LRRC4C: variants seen among roughly 807,000 people sequenced by gnomAD.
LRRC4C encodes the protein leucine-rich repeat-containing protein 4C.
In LRRC4C, 5 loss-of-function variants were observed where a neutral mutation model predicts 33.6. The ratio of observed to expected loss-of-function variants is 0.15; its 90% CI spans 0.08 to 0.31. The LOEUF is 0.31. LRRC4C is among the 10% of genes least tolerant of loss of function. The pLI is 1.00. For synonymous variants in LRRC4C, 329 were observed against 302.0 expected (o/e 1.09, Z -0.93); for missense variants, 560 against 796.7 (o/e 0.70, Z 3.58).
At chr11:40,359,812 C>T (rs1314208158) in intron 3 of LRRC4C, among the ~76,000 whole-genome samples, 4 of 152,138 alleles carry the variant, frequency 2.6e-5, no homozygotes, top group South Asian at 4.1e-4. Context: ...TAAAAATTAT[C>T]TATTTGAAAA....
At chr11:40,253,335 T>G (rs1866936208) in intron 4 of LRRC4C, among the ~76,000 whole-genome samples, 1 of 152,230 alleles carries the variant, frequency 6.6e-6, no homozygotes, top group South Asian at 2.1e-4. Context: ...CTTGCTTGTT[T>G]GTTTGTTTAC....
chr11:40,571,294 T>A (rs1957973238), intron 3 of LRRC4C, among the ~76,000 whole-genome samples: 1 of 152,144 alleles, frequency 6.6e-6, no homozygotes, highest in African/African-American at 2.4e-5. Flanking sequence ...AACATGCACA[T>A]GATGTTCATT....
intron 2 of LRRC4C, among the ~76,000 whole-genome samples, chr11:40,821,386 C>T (rs368331435): frequency 3.0e-4 from 46 of 151,494 alleles, no homozygotes; most frequent in African/African-American, 9.2e-4. Flanking sequence ...TATCAGATTT[C>T]GGAATTTAAT....
At chr11:41,208,669 G>A (rs773245100) in intron 1 of LRRC4C, among the ~76,000 whole-genome samples, 1 of 152,220 alleles carries the variant, frequency 6.6e-6, no homozygotes, top group Admixed American at 6.5e-5. Flanking sequence ...AGGGCTACCT[G>A]ATTGGGAACA....
At chr11:41,143,230 CA>C (rs71061001) in intron 1 of LRRC4C, among the ~76,000 whole-genome samples, 74,718 of 145,234 alleles carry the variant, frequency 0.51, 19,354 homozygotes, top group African/African-American at 0.65. Context: ...AAGCAAAACT[CA>C]AAAAAAAAAA....
At chr11:40,584,492 A>C (rs183327689) in intron 3 of LRRC4C, among the ~76,000 whole-genome samples, 39 of 152,072 alleles carry the variant, frequency 2.6e-4, no homozygotes, top group Middle Eastern at 3.4e-3. Flanking sequence ...CAGGATGAAA[A>C]ATTAGATACA....
chr11:40,929,052 A>AT (rs1189881188), intron 2 of LRRC4C, among the ~76,000 whole-genome samples: 5 of 152,324 alleles, frequency 3.3e-5, no homozygotes, highest in Non-Finnish European at 5.9e-5. Context: ...ACTAATTTGT[A>AT]TAATTAAATA....
chr11:41,238,342 C>T (rs532919620), intron 1 of LRRC4C, among the ~76,000 whole-genome samples: 6 of 152,112 alleles, frequency 3.9e-5, no homozygotes, highest in Admixed American at 6.5e-5. Flanking sequence ...AAGGTGTCAA[C>T]GAGTGTTCTT....
At chr11:41,153,348 C>G (rs966009709) in intron 1 of LRRC4C, among the ~76,000 whole-genome samples, 2 of 151,884 alleles carry the variant, frequency 1.3e-5, no homozygotes, top group African/African-American at 2.4e-5. Flanking sequence ...TCTTTGCATC[C>G]CTAGAACACA....
At chr11:40,767,299 C>A (rs572507575) in intron 2 of LRRC4C, among the ~76,000 whole-genome samples, 10 of 151,934 alleles carry the variant, frequency 6.6e-5, no homozygotes, top group African/African-American at 2.4e-4. Context: ...TATATGCCTC[C>A]AACAATGGAT....
At chr11:41,264,986 C>T (rs561549573) in intron 1 of LRRC4C, among the ~76,000 whole-genome samples, 1 of 152,204 alleles carries the variant, frequency 6.6e-6, no homozygotes, top group Admixed American at 6.6e-5. Context: ...CACATGCCAT[C>T]AGGTAGAAGG....
At chr11:40,482,314 G>A (rs1169120535) in intron 3 of LRRC4C, among the ~76,000 whole-genome samples, 1 of 152,106 alleles carries the variant, frequency 6.6e-6, no homozygotes, top group Non-Finnish European at 1.5e-5. Flanking sequence ...CAGATTAATT[G>A]TGTATTATTG....
At chr11:40,736,245 T>C (rs926453085) in intron 2 of LRRC4C, among the ~76,000 whole-genome samples, 3 of 152,038 alleles carry the variant, frequency 2.0e-5, no homozygotes, top group Non-Finnish European at 2.9e-5. Flanking sequence ...CTCGCACTTA[T>C]AAGTGAGAAC....
At chr11:40,177,968 C>T (rs1235585184) in intron 5 of LRRC4C, among the ~76,000 whole-genome samples, 2 of 152,112 alleles carry the variant, frequency 1.3e-5, no homozygotes, top group East Asian at 1.9e-4. Flanking sequence ...TTTTGACTAA[C>T]ATCAAACAGT....
At chr11:40,762,216 T>C (rs1449119679) in intron 2 of LRRC4C, among the ~76,000 whole-genome samples, 2 of 152,276 alleles carry the variant, frequency 1.3e-5, no homozygotes, top group Admixed American at 6.5e-5. Flanking sequence ...GTAACACTCA[T>C]GTTGCATGGC....
intron 1 of LRRC4C, among the ~76,000 whole-genome samples, chr11:41,365,928 A>G (rs367781950): frequency 2.0e-5 from 3 of 152,198 alleles, no homozygotes; most frequent in Non-Finnish European, 4.4e-5. Flanking sequence ...ATTTTTCAGA[A>G]TTGTTTTTAA....
At chr11:40,701,647 T>A (rs1037594767) in intron 2 of LRRC4C, among the ~76,000 whole-genome samples, 53 of 149,272 alleles carry the variant, frequency 3.6e-4, no homozygotes, top group South Asian at 2.1e-4. Context: ...TATATATATA[T>A]AAAACATAAA....
chr11:41,247,264 C>T (rs1016439658), intron 1 of LRRC4C, among the ~76,000 whole-genome samples: 35 of 152,320 alleles, frequency 2.3e-4, no homozygotes, highest in African/African-American at 7.7e-4. Context: ...TGTCCTCCTC[C>T]TTCCTAAAAA....
chr11:40,138,837 TG>T (rs1174110777), intron 6 of LRRC4C, among the ~76,000 whole-genome samples: 1 of 152,190 alleles, frequency 6.6e-6, no homozygotes, highest in Non-Finnish European at 1.5e-5. Flanking sequence ...AATATCATTC[TG>T]GGTTGAATAA....
Sources: gnomAD v4.1 joint callset for allele counts (sites outside exome capture counted in the v4.1 genomes callset) on GRCh38, gnomAD v4.1.1 for gene constraint, MANE v1.5 for transcripts, NCBI Gene and HGNC (gene_info 2026-07-23, HGNC 2026-07-21) for gene names.